Variants in EVI5 observed in about 807,000 individuals in gnomAD.
EVI5 encodes ecotropic viral integration site 5 protein homolog.
Under a neutral mutation model 112.0 loss-of-function variants are expected in EVI5, and 73 were observed. The ratio of observed to expected loss-of-function variants is 0.65; its 90% CI spans 0.54 to 0.79. The LOEUF (loss-of-function observed/expected upper bound fraction) is 0.79, where lower values mean the gene tolerates loss of function less well. Ranked by LOEUF, EVI5 falls within the 30% of genes least tolerant of loss-of-function variation. The pLI, the probability that EVI5 is intolerant of heterozygous loss-of-function variation, is 0.00. For synonymous variants in EVI5, 305 were observed against 319.9 expected (o/e 0.95, Z 0.50); for missense variants, 900 against 968.8 (o/e 0.93, Z 0.94).
At chr1:92,644,932 T>C (rs1284630643) in intron 13 of EVI5, among the ~76,000 whole-genome samples, 1 of 152,176 alleles carries the variant, frequency 6.6e-6, no homozygotes, top group Non-Finnish European at 1.5e-5. Flanking sequence ...GCCCAGAATA[T>C]GTTCTATCTT....
At chr1:92,537,828 A>C (rs1664144100) in intron 19 of EVI5, among the ~76,000 whole-genome samples, 2 of 152,022 alleles carry the variant, frequency 1.3e-5, no homozygotes, top group South Asian at 4.1e-4. Flanking sequence ...TATTGAAATA[A>C]TACTAGGTAC....
At chr1:92,666,095 G>A in intron 10 of EVI5, 103 bp from the exon 11 acceptor site, 1 of 689,356 alleles carries the variant, frequency 1.5e-6, no homozygotes, top group Non-Finnish European at 2.5e-6. Context: ...AAATAAGAAA[G>A]GAGTCTAAGG....
At chr1:92,726,723 T>C (rs1002589658) in intron 2 of EVI5, among the ~76,000 whole-genome samples, 17 of 152,248 alleles carry the variant, frequency 1.1e-4, no homozygotes, top group African/African-American at 4.1e-4. Flanking sequence ...TAAAAAATAA[T>C]GTAGTGTAGA....
Position 92,702,226 on chromosome 1 carries a change from A to T in EVI5, c.565-11T>A, listed in dbSNP as rs778104942. ...TACTAAAGAGTAAGCCTAAAAAGTA[A>T]AAAAAAGTTGTTCAAAATACATGGT... is the stretch of plus-strand genomic sequence containing the variant. On this transcript the variant is annotated splice_polypyrimidine_tract_variant and intron_variant, in intron 4 of 19. Coordinates refer to ENST00000684568, the MANE Select transcript of EVI5 (RefSeq NM_001350197.2). 1 of 1,483,704 alleles carries T rather than the reference A, an allele frequency of 6.7e-7. No individual in the cohort carries two copies. The highest frequency in any genetic ancestry group is 2.5e-5 in the Admixed American group (1 of 40,122). 91.9% of individuals were successfully genotyped at this position (1,483,704 alleles called of 1,614,324 possible).
intron 2 of EVI5, among the ~76,000 whole-genome samples, chr1:92,721,825 G>A (rs1242752200): frequency 1.3e-5 from 2 of 151,960 alleles, no homozygotes; most frequent in Non-Finnish European, 2.9e-5. Flanking sequence ...TTAATATAAC[G>A]CTTTGTGTAT....
intron 19 of EVI5, among the ~76,000 whole-genome samples, chr1:92,526,022 G>C (rs1293176067): frequency 5.3e-5 from 8 of 151,934 alleles, no homozygotes; most frequent in Non-Finnish European, 2.9e-5. Flanking sequence ...TTTGAGTAGG[G>C]TTCTGGCTTC....
intron 19 of EVI5, among the ~76,000 whole-genome samples, chr1:92,555,905 T>C (rs932930023): frequency 6.9e-6 from 1 of 145,640 alleles, no homozygotes; most frequent in Admixed American, 6.8e-5. Flanking sequence ...AAAAACAGTA[T>C]CATTCAGTAT....
At chr1:92,548,263 T>A (rs1335083732) in intron 19 of EVI5, among the ~76,000 whole-genome samples, 2 of 152,190 alleles carry the variant, frequency 1.3e-5, no homozygotes, top group African/African-American at 4.8e-5. Flanking sequence ...ATTATCTCAA[T>A]AGATGCAGAA....
intron 14 of EVI5, among the ~76,000 whole-genome samples, chr1:92,628,774 G>A (rs756371375): frequency 2.6e-5 from 4 of 152,094 alleles, no homozygotes; most frequent in East Asian, 1.9e-4. Context: ...AATATTTCAC[G>A]GTACACATGC....
intron 16 of EVI5, among the ~76,000 whole-genome samples, chr1:92,616,744 T>C: frequency 6.6e-6 from 1 of 152,220 alleles, no homozygotes; most frequent in East Asian, 1.9e-4. Context: ...GGCCTGTTAC[T>C]GGACTTTGGT....
intron 16 of EVI5, among the ~76,000 whole-genome samples, chr1:92,614,874 ATATATATATATC>A (rs1336059486): frequency 3.3e-3 from 8 of 2,426 alleles, no homozygotes; most frequent in African/African-American, 0.013. Flanking sequence ...ATATATATAT[ATATATATATATC>A]TCCTATTATT....
In EVI5 at chr1:92,674,686, T is replaced by TA. The variant is rs972514526; in HGVS notation, c.1158+2471dup. 1.7e-3 allele frequency among the ~76,000 whole-genome samples: 232 copies of TA among 137,688 alleles called. 1 individual carries two copies. Among genetic ancestry groups the TA allele is most frequent in the African/African-American group, 4.8e-3 (180 of 37,574 alleles). The allele number at this position is 137,688 out of a possible 152,430, so 90.3% of individuals were successfully genotyped here. ...TGTATCCCAGAACTTAAAGTATAAT[T>TA]AAAAAAAAAAAAGTATTCAGTTGAA... On this transcript the variant is annotated intron_variant, in intron 10 of 19. Transcript: ENST00000684568.
intron 16 of EVI5, among the ~76,000 whole-genome samples, chr1:92,617,120 C>T (rs1241752170): frequency 2.0e-5 from 3 of 152,220 alleles, no homozygotes; most frequent in African/African-American, 7.2e-5. Flanking sequence ...GATATGCAGG[C>T]ACCACCTGAA....
intron 19 of EVI5, among the ~76,000 whole-genome samples, chr1:92,518,297 T>A (rs1264148377): frequency 6.6e-6 from 1 of 152,128 alleles, no homozygotes; most frequent in Non-Finnish European, 1.5e-5. Flanking sequence ...TTTTGTGAAA[T>A]GCCAGTAAAA....
chr1:92,679,583 G>A (rs1466499583), intron 9 of EVI5, among the ~76,000 whole-genome samples: 1 of 152,082 alleles, frequency 6.6e-6, no homozygotes, highest in Non-Finnish European at 1.5e-5. Context: ...ATAGTACAGA[G>A]ATTCCATGTA....
chr1:92,537,768 T>C (rs1045730918), intron 19 of EVI5, among the ~76,000 whole-genome samples: 1 of 150,960 alleles, frequency 6.6e-6, no homozygotes, highest in Non-Finnish European at 1.5e-5. Context: ...GAGCCAAAAT[T>C]CTAATCTACA....
chr1:92,683,496 T>G (rs1207776161), intron 9 of EVI5, among the ~76,000 whole-genome samples: 2 of 152,182 alleles, frequency 1.3e-5, no homozygotes, highest in Non-Finnish European at 2.9e-5. Flanking sequence ...AGAGCACCTC[T>G]TCGCCTCCAA....
intron 19 of EVI5, among the ~76,000 whole-genome samples, chr1:92,527,575 C>A (rs552579286): frequency 6.6e-6 from 1 of 152,184 alleles, no homozygotes; most frequent in African/African-American, 2.4e-5. Context: ...GAAATTATCA[C>A]CCAGATTGAG....
intron 1 of EVI5, among the ~76,000 whole-genome samples, chr1:92,739,080 T>G (rs1005490514): frequency 6.6e-6 from 1 of 151,704 alleles, no homozygotes; most frequent in South Asian, 2.1e-4. Flanking sequence ...CGAGACCAGC[T>G]TGGCCAACAT....
Sources: gnomAD v4.1 joint callset for allele counts (sites outside exome capture counted in the v4.1 genomes callset) on GRCh38, gnomAD v4.1.1 for gene constraint, MANE v1.5 for transcripts, NCBI Gene and HGNC (gene_info 2026-07-23, HGNC 2026-07-21) for gene names.